The following LGR5 variants were observed in gnomAD, a reference collection of about 807,000 sequenced individuals.
LGR5 encodes leucine-rich repeat-containing G protein-coupled receptor 5.
LGR5 carries 54 observed loss-of-function variants against 76.7 expected under a neutral mutation model. That is an observed-to-expected ratio of 0.70 (90% CI 0.57 to 0.88). The LOEUF (loss-of-function observed/expected upper bound fraction) is 0.88. Among genes scored for constraint, LGR5 ranks in the 40% least tolerant of loss-of-function variants. The probability of loss-of-function intolerance (pLI) is 0.00; values close to 1 mark genes in which losing one functional copy is unlikely to be tolerated. For missense variants in LGR5, 1,078 were observed against 1,073.3 expected (o/e 1.00, Z -0.06); for synonymous variants, 406 against 421.9 (o/e 0.96, Z 0.46).
chr12:71,554,879 A>G (rs1256942966), intron 5 of LGR5, among the ~76,000 whole-genome samples: 1 of 152,234 alleles, frequency 6.6e-6, no homozygotes, highest in African/African-American at 2.4e-5. Context: ...TTAAAAATGT[A>G]GCAGTATGAC....
intron 3 of LGR5, among the ~76,000 whole-genome samples, chr12:71,525,931 T>C (rs1875980224): frequency 6.6e-6 from 1 of 151,736 alleles, no homozygotes. Context: ...ATATTAATAG[T>C]TATACCATTA....
intron 4 of LGR5, among the ~76,000 whole-genome samples, chr12:71,546,232 T>G (rs1877153538): frequency 1.6e-4 from 24 of 151,842 alleles, no homozygotes; most frequent in Admixed American, 1.6e-3. Flanking sequence ...GGAGAATTGC[T>G]TGAACCCAGG....
chr12:71,560,630 A>G (rs893597106), intron 7 of LGR5, among the ~76,000 whole-genome samples: 1 of 152,170 alleles, frequency 6.6e-6, no homozygotes, highest in African/African-American at 2.4e-5. Flanking sequence ...CGTCTCTACT[A>G]AAAATACAAA....
chr12:71,552,231 T>C (rs1260276319), intron 4 of LGR5, among the ~76,000 whole-genome samples: 1 of 151,814 alleles, frequency 6.6e-6, no homozygotes, highest in African/African-American at 2.4e-5. Context: ...TGCACGTGTA[T>C]CCCAGAACTT....
chr12:71,526,159 T>C (rs1016390317), intron 3 of LGR5, among the ~76,000 whole-genome samples: 3 of 152,188 alleles, frequency 2.0e-5, no homozygotes, highest in Admixed American at 6.5e-5. Flanking sequence ...TCTAGATTTT[T>C]CAACTTTTTC....
At position 71,582,388 on chromosome 12, in the gene LGR5, C is replaced by T. The variant is rs1008399442; in HGVS notation, c.1553-68C>T. The T allele has an allele frequency of 1.6e-5, 20 of 1,268,530 alleles. No homozygotes were observed. In the African/African-American group the frequency reaches 2.0e-4, roughly 13 times the overall value. 78.6% of individuals were successfully genotyped at this position (1,268,530 alleles called of 1,614,324 possible). A position where few individuals can be genotyped will look rare whatever the true frequency, so the allele number is the denominator to read the frequency against. Reference sequence around the variant, plus strand: ...TGTCTCCAGAATAACCCAGGACTCTCCACTCTGGGATTTGGTCCCTTGAAA... The same window carrying T: ...TGTCTCCAGAATAACCCAGGACTCTTCACTCTGGGATTTGGTCCCTTGAAA... On this transcript the variant is annotated intron_variant, in intron 16 of 17. Coordinates refer to ENST00000266674, the MANE Select transcript of LGR5 (RefSeq NM_003667.4).
intron 15 of LGR5, among the ~76,000 whole-genome samples, chr12:71,579,663 TA>T (rs1182924030): frequency 6.6e-6 from 1 of 152,222 alleles, no homozygotes; most frequent in Non-Finnish European, 1.5e-5. Context: ...TTACACTCTT[TA>T]TTTTAAAATG....
At chr12:71,582,324 T>G (rs1879126531) in intron 16 of LGR5, 132 bp from the exon 17 acceptor site, 1 of 698,526 alleles carries the variant, frequency 1.4e-6, no homozygotes. Context: ...TATAATAACT[T>G]GCAAGAAAGC....
intron 2 of LGR5, among the ~76,000 whole-genome samples, chr12:71,513,094 G>A (rs950535779): frequency 3.9e-5 from 6 of 152,106 alleles, no homozygotes; most frequent in Non-Finnish European, 8.8e-5. Flanking sequence ...TGGGGCCTTG[G>A]GGATCTGAAT....
At chr12:71,490,401 G>A (rs1189529059) in intron 1 of LGR5, among the ~76,000 whole-genome samples, 1 of 152,174 alleles carries the variant, frequency 6.6e-6, no homozygotes, top group Non-Finnish European at 1.5e-5. Context: ...GTCAATAGTT[G>A]TGATACCACA....
intron 4 of LGR5, 89 bp downstream of exon 4, chr12:71,535,275 T>C: frequency 1.2e-6 from 1 of 854,496 alleles, no homozygotes; most frequent in Admixed American, 1.9e-5. Context: ...GTATGTTCCT[T>C]GGTTGGGAGT....
At position 71,476,528 on chromosome 12, in the gene LGR5, G is replaced by A. The variant is rs193271767; in HGVS notation, c.213-28086G>A. On this transcript the variant is annotated intron_variant, in intron 1 of 17. Transcript: ENST00000266674. ...GGTAGCATGGGTGACAGTGGTACCAGTGGAGCCCTGAATACTTTTTTGTCT... is the reference window on the plus strand; with the variant it reads ...GGTAGCATGGGTGACAGTGGTACCAATGGAGCCCTGAATACTTTTTTGTCT... 2.6e-5 allele frequency among the ~76,000 whole-genome samples: 4 copies of A among 152,320 alleles called. No individual in the cohort carries two copies. In the South Asian group the frequency reaches 8.3e-4, roughly 32 times the overall value.
At position 71,566,633 on chromosome 12, in the gene LGR5, A is replaced by C; in HGVS notation, c.931A>C (p.Thr311Pro). 2 of 1,611,616 alleles carry C rather than the reference A, an allele frequency of 1.2e-6. No homozygotes were observed. Among genetic ancestry groups the C allele is most frequent in the Non-Finnish European group, 1.7e-6 (2 of 1,177,922 alleles). ...FQHLPELRTL[T>P]LNGASQITEF... ...ATACTTATATACTCCTCTTTCTAGG[A>C]CTCTGAATGGTGCCTCACAAATAAC... The change falls in exon 10 of 18, where the codon ACT becomes CCT. Residue 311 changes from threonine to proline, a missense_variant and splice_region_variant. Transcript: ENST00000266674.
At chr12:71,535,511 TA>T (rs5799043) in intron 4 of LGR5, among the ~76,000 whole-genome samples, 114,730 of 150,358 alleles carry the variant, frequency 0.76, 43,696 homozygotes, top group East Asian at 0.9. Flanking sequence ...TCCTTTTACC[TA>T]AAAAAAAAAA....
At chr12:71,565,224 C>T (rs1296990692) in intron 8 of LGR5, among the ~76,000 whole-genome samples, 1 of 151,820 alleles carries the variant, frequency 6.6e-6, no homozygotes, top group East Asian at 1.9e-4. Context: ...TCAAATGTTA[C>T]ACATGCATTA....
chr12:71,504,574 C>G (rs1403667206), intron 1 of LGR5, 40 bp from the exon 2 acceptor site: 1 of 1,489,424 alleles, frequency 6.7e-7, no homozygotes, highest in East Asian at 2.3e-5. Context: ...CTTGTGGTGG[C>G]ATTTGCTGCT....
chr12:71,572,763 G>A, intron 12 of LGR5, 87 bp from the exon 13 acceptor site: 1 of 915,310 alleles, frequency 1.1e-6, no homozygotes, highest in Non-Finnish European at 1.8e-6. Flanking sequence ...ATTAAGGGCA[G>A]GTAGTCCCTC....
chr12:71,465,110 T>C (rs990916010), intron 1 of LGR5, among the ~76,000 whole-genome samples: 1 of 152,152 alleles, frequency 6.6e-6, no homozygotes, highest in African/African-American at 2.4e-5. Context: ...AAGTATGACC[T>C]TGGGCAAGGA....
chr12:71,449,111 C>T (rs1592451334), intron 1 of LGR5, among the ~76,000 whole-genome samples: 1 of 152,228 alleles, frequency 6.6e-6, no homozygotes, highest in African/African-American at 2.4e-5. Context: ...TCTCTCTTTG[C>T]CTTTCTCCAT....
Sources: allele counts gnomAD v4.1 joint callset (sites outside exome capture counted in the v4.1 genomes callset), GRCh38; gene constraint gnomAD v4.1.1; transcripts MANE v1.5; gene names NCBI Gene and HGNC (gene_info 2026-07-23, HGNC 2026-07-21).